Variants in SCHIP1 observed in about 807,000 individuals in gnomAD.
SCHIP1 encodes the protein schwannomin interacting protein 1.
A neutral mutation model predicts 29.7 loss-of-function variants in SCHIP1; 8 were observed. That is an observed-to-expected ratio of 0.27 (90% CI 0.16 to 0.49). SCHIP1 has a LOEUF of 0.49. Among genes scored for constraint, SCHIP1 ranks in the 20% least tolerant of loss-of-function variants. The pLI is 0.99. For missense variants in SCHIP1, 193 were observed against 294.6 expected, an observed-to-expected ratio of 0.66 and a Z score of 2.52; for synonymous variants, 76 against 94.9, an observed-to-expected ratio of 0.80 and a Z score of 1.16.
chr3:159,594,303 C>T, the SCHIP1 span, among the ~76,000 whole-genome samples: 2 of 152,170 alleles, frequency 1.3e-5, no homozygotes, highest in Non-Finnish European at 2.9e-5. Flanking sequence ...TTTTCTTGAG[C>T]AAATGTGCTT....
chr3:159,327,649 T>C, the SCHIP1 span, among the ~76,000 whole-genome samples: 5 of 152,204 alleles, frequency 3.3e-5, no homozygotes, highest in Admixed American at 6.5e-5. Context: ...TAATAACTGT[T>C]CATAATGAAT....
At chr3:159,389,035 T>C in the SCHIP1 span, among the ~76,000 whole-genome samples, 1 of 152,034 alleles carries the variant, frequency 6.6e-6, no homozygotes, top group Non-Finnish European at 1.5e-5. Context: ...AATACTGAGA[T>C]ATTTTATCTA....
chr3:159,839,982 G>C (rs1033587110), exon 1 of SCHIP1: 5 of 1,435,304 alleles, frequency 3.5e-6, no homozygotes. Context: ...CTGGAGAGCA[G>C]CTCAGCTCGC....
the SCHIP1 span, among the ~76,000 whole-genome samples, chr3:159,775,775 G>GT: frequency 1.9e-4 from 29 of 152,264 alleles, no homozygotes; most frequent in South Asian, 6.0e-3. Flanking sequence ...CTAAATGAAT[G>GT]TAACTGGATT....
the SCHIP1 span, among the ~76,000 whole-genome samples, chr3:159,452,006 A>G: frequency 6.6e-6 from 1 of 152,154 alleles, no homozygotes; most frequent in South Asian, 2.1e-4. Flanking sequence ...ATGATGACAC[A>G]AAGATGTGTT....
the SCHIP1 span, among the ~76,000 whole-genome samples, chr3:159,471,078 A>G: frequency 2.6e-4 from 40 of 152,210 alleles, no homozygotes; most frequent in African/African-American, 9.1e-4. Flanking sequence ...TAATTTATAG[A>G]AGGGTAAATT....
the SCHIP1 span, among the ~76,000 whole-genome samples, chr3:159,558,520 T>A: frequency 6.6e-6 from 1 of 151,986 alleles, no homozygotes; most frequent in East Asian, 1.9e-4. Flanking sequence ...GGTGTCCTAG[T>A]TGGTGAAAGA....
At chr3:159,708,525 C>T in the SCHIP1 span, among the ~76,000 whole-genome samples, 3 of 152,166 alleles carry the variant, frequency 2.0e-5, no homozygotes, top group Non-Finnish European at 4.4e-5. Context: ...AAGTTTCTCT[C>T]TCTTAAAAGC....
chr3:159,850,557 A>G (rs57671730), intron 1 of SCHIP1, among the ~76,000 whole-genome samples: 11 of 100,530 alleles, frequency 1.1e-4, no homozygotes, highest in East Asian at 4.0e-4. Context: ...AAAAAAAAAA[A>G]AAAAAAAAAG....
At chr3:159,565,823 T>C in the SCHIP1 span, among the ~76,000 whole-genome samples, 1 of 152,218 alleles carries the variant, frequency 6.6e-6, no homozygotes, top group African/African-American at 2.4e-5. Context: ...GTGATTACAG[T>C]AAATGCATGT....
chr3:159,397,990 A>C, the SCHIP1 span, among the ~76,000 whole-genome samples: 1 of 152,208 alleles, frequency 6.6e-6, no homozygotes, highest in Admixed American at 6.5e-5. Flanking sequence ...CCGTGGGTGC[A>C]GGACCCTCCA....
chr3:159,320,813 A>T, the SCHIP1 span, among the ~76,000 whole-genome samples: 1 of 151,784 alleles, frequency 6.6e-6, no homozygotes, highest in Non-Finnish European at 1.5e-5. Flanking sequence ...TTTCTCAGCC[A>T]TGTGGCCTTT....
chr3:159,714,116 AG>A, the SCHIP1 span, among the ~76,000 whole-genome samples: 1 of 152,268 alleles, frequency 6.6e-6, no homozygotes, highest in East Asian at 1.9e-4. Context: ...AGGCACCTGT[AG>A]CCCCAGCTAC....
the SCHIP1 span, among the ~76,000 whole-genome samples, chr3:159,805,169 AT>A: frequency 2.0e-5 from 3 of 152,192 alleles, no homozygotes; most frequent in Non-Finnish European, 2.9e-5. Flanking sequence ...AGGTGCTCAA[AT>A]AAAAGTTAAG....
the SCHIP1 span, among the ~76,000 whole-genome samples, chr3:159,711,253 T>C: frequency 8.1e-6 from 1 of 123,976 alleles, no homozygotes; most frequent in Non-Finnish European, 1.6e-5. Flanking sequence ...CCCAGCTACT[T>C]GGGAGGCTGA....
At chr3:159,716,704 A>T in the SCHIP1 span, among the ~76,000 whole-genome samples, 1 of 152,240 alleles carries the variant, frequency 6.6e-6, no homozygotes, top group African/African-American at 2.4e-5. Context: ...CTAAGTATAT[A>T]TGCACCCAAT....
At chr3:159,396,062 T>G in the SCHIP1 span, among the ~76,000 whole-genome samples, 87,463 of 142,574 alleles carry the variant, frequency 0.61, 27,654 homozygotes, top group East Asian at 0.74. Flanking sequence ...TTGATCCCTT[T>G]ACCATTATGT....
the SCHIP1 span, among the ~76,000 whole-genome samples, chr3:159,748,117 C>T: frequency 6.6e-6 from 1 of 152,208 alleles, no homozygotes; most frequent in South Asian, 2.1e-4. Context: ...TAGTTTGTCT[C>T]ATCAAATCTA....
At chr3:159,516,144 G>GAT in the SCHIP1 span, among the ~76,000 whole-genome samples, 1 of 152,080 alleles carries the variant, frequency 6.6e-6, no homozygotes, top group South Asian at 2.1e-4. Flanking sequence ...CTCAGTGGGT[G>GAT]ATTTCAGGCT....
Sources: allele counts gnomAD v4.1 joint callset (sites outside exome capture counted in the v4.1 genomes callset), GRCh38; gene constraint gnomAD v4.1.1; transcripts MANE v1.5; gene names NCBI Gene and HGNC (gene_info 2026-07-23, HGNC 2026-07-21).